RERE: variants seen among roughly 807,000 people sequenced by gnomAD.
The protein encoded by RERE is arginine-glutamic acid dipeptide repeats protein.
Under a neutral mutation model 146.1 loss-of-function variants are expected in RERE, and 40 were observed. That is an observed-to-expected ratio of 0.27 (90% confidence interval 0.21 to 0.36). RERE has a LOEUF of 0.36. RERE is among the 10% of genes least tolerant of loss of function. The pLI is 1.00. For synonymous variants in RERE, 1,003 were observed against 866.0 expected, an observed-to-expected ratio of 1.16 and a Z score of -2.78; for missense variants, 1,933 against 2,138.7, an observed-to-expected ratio of 0.90 and a Z score of 1.90.
chr1:8,569,352 T>C (rs1428204301), intron 4 of RERE, among the ~76,000 whole-genome samples: 1 of 152,070 alleles, frequency 6.6e-6, no homozygotes, highest in Admixed American at 6.6e-5. Context: ...ATGGCAGTGA[T>C]ATTATTCATT....
chr1:8,784,062 A>C (rs1641217138), intron 1 of RERE, among the ~76,000 whole-genome samples: 1 of 152,198 alleles, frequency 6.6e-6, no homozygotes, highest in African/African-American at 2.4e-5. Flanking sequence ...TAAGCCACCA[A>C]GCATGTGCTT....
intron 4 of RERE, among the ~76,000 whole-genome samples, chr1:8,562,939 G>C (rs529591629): frequency 3.5e-4 from 54 of 152,244 alleles, no homozygotes; most frequent in African/African-American, 1.3e-3. Context: ...ACACATCTTT[G>C]AATAACAGAC....
chr1:8,543,720 C>T (rs1400553986), intron 6 of RERE, among the ~76,000 whole-genome samples: 1 of 152,174 alleles, frequency 6.6e-6, no homozygotes, highest in African/African-American at 2.4e-5. Flanking sequence ...CACCCATACA[C>T]ATTTCTTCCT....
intron 1 of RERE, among the ~76,000 whole-genome samples, chr1:8,665,312 C>G (rs539509743): frequency 6.6e-6 from 1 of 152,342 alleles, no homozygotes; most frequent in Admixed American, 6.5e-5. Context: ...ATCTCCACCT[C>G]CCAGCTAGAA....
chr1:8,642,525 T>C (rs1050979088), intron 2 of RERE, among the ~76,000 whole-genome samples: 5 of 152,220 alleles, frequency 3.3e-5, no homozygotes, highest in East Asian at 3.8e-4. Context: ...TTTGTGTTAA[T>C]AGACTTTTTA....
At chr1:8,422,200 G>A (rs1042191178) in intron 12 of RERE, among the ~76,000 whole-genome samples, 2 of 152,082 alleles carry the variant, frequency 1.3e-5, no homozygotes, top group African/African-American at 2.4e-5. Context: ...AGATCCCCTT[G>A]TACATCTGTC....
intron 1 of RERE, among the ~76,000 whole-genome samples, chr1:8,766,087 T>C (rs1189465859): frequency 6.6e-6 from 1 of 152,132 alleles, no homozygotes; most frequent in East Asian, 1.9e-4. Context: ...CACTCCAGCC[T>C]GGGCAACAAT....
chr1:8,741,436 C>T (rs1216404705), intron 1 of RERE, among the ~76,000 whole-genome samples: 4 of 152,140 alleles, frequency 2.6e-5, no homozygotes, highest in Non-Finnish European at 5.9e-5. Flanking sequence ...ATTGTAAACC[C>T]CATAATCCTC....
intron 8 of RERE, among the ~76,000 whole-genome samples, chr1:8,503,051 C>A (rs1436943300): frequency 6.7e-6 from 1 of 149,546 alleles, no homozygotes; most frequent in Non-Finnish European, 1.5e-5. Flanking sequence ...CCTGCCAAAT[C>A]CCCCTCTGCG....
intron 4 of RERE, among the ~76,000 whole-genome samples, chr1:8,609,806 A>G (rs1330920827): frequency 1.3e-5 from 2 of 152,228 alleles, no homozygotes; most frequent in Non-Finnish European, 1.5e-5. Context: ...AGTGATACTT[A>G]CTAATGGTAA....
At chr1:8,367,042 C>T (rs536516631) in intron 12 of RERE, among the ~76,000 whole-genome samples, 2 of 152,116 alleles carry the variant, frequency 1.3e-5, no homozygotes, top group Non-Finnish European at 2.9e-5. Flanking sequence ...CGACTAGATG[C>T]TGGGAGTTGT....
chr1:8,787,685 G>C (rs933618047), intron 1 of RERE, among the ~76,000 whole-genome samples: 1 of 151,908 alleles, frequency 6.6e-6, no homozygotes, highest in African/African-American at 2.4e-5. Context: ...ACAAAAATTA[G>C]CCAGGCGTCG....
intron 2 of RERE, among the ~76,000 whole-genome samples, chr1:8,638,775 GAAAAA>G (rs1194181572): frequency 2.2e-5 from 3 of 139,036 alleles, no homozygotes; most frequent in African/African-American, 8.2e-5. Flanking sequence ...ACTCATAGAC[GAAAAA>G]AAATTTTTTT....
intron 4 of RERE, among the ~76,000 whole-genome samples, chr1:8,563,312 G>A (rs1646100510): frequency 6.6e-6 from 1 of 152,166 alleles, no homozygotes; most frequent in South Asian, 2.1e-4. Flanking sequence ...GGGGGTATCT[G>A]GATAGTTCAT....
At chr1:8,716,380 G>C in intron 1 of RERE, among the ~76,000 whole-genome samples, 1 of 151,846 alleles carries the variant, frequency 6.6e-6, no homozygotes, top group Non-Finnish European at 1.5e-5. Flanking sequence ...AGAGCCTGAA[G>C]GATCACTTGA....
chr1:8,598,772 C>T (rs1646585703), intron 4 of RERE, among the ~76,000 whole-genome samples: 1 of 152,208 alleles, frequency 6.6e-6, no homozygotes, highest in African/African-American at 2.4e-5. Context: ...TTACACTGTT[C>T]TTTAGCCTCA....
chr1:8,503,084 T>TAAAA (rs1491515457), intron 8 of RERE, among the ~76,000 whole-genome samples: 2 of 128,628 alleles, frequency 1.6e-5, no homozygotes, highest in South Asian at 2.4e-4. Flanking sequence ...GAATGATCAA[T>TAAAA]TAAAAATAAA....
At chr1:8,499,348 C>A (rs144929188) in intron 8 of RERE, among the ~76,000 whole-genome samples, 2,120 of 152,304 alleles carry the variant, frequency 0.014, 13 homozygotes, top group Middle Eastern at 0.085. Context: ...ATATCCCAAT[C>A]TGGACTAGCC....
chr1:8,540,905 T>A (rs1570412245), intron 7 of RERE, among the ~76,000 whole-genome samples: 1 of 152,318 alleles, frequency 6.6e-6, no homozygotes, highest in Non-Finnish European at 1.5e-5. Flanking sequence ...CTACCAATTC[T>A]TAATACTTAA....
Sources: allele counts gnomAD v4.1 joint callset (sites outside exome capture counted in the v4.1 genomes callset), GRCh38; gene constraint gnomAD v4.1.1; transcripts MANE v1.5; gene names NCBI Gene and HGNC (gene_info 2026-07-23, HGNC 2026-07-21).